Variants in CYSLTR2 observed in about 807,000 individuals in gnomAD.
CYSLTR2 encodes cysteinyl leukotriene receptor 2, also known as G-protein coupled receptor GPCR21.
For missense variants in CYSLTR2, 398 were observed against 411.9 expected, an observed-to-expected ratio of 0.97 and a Z score of 0.29; for synonymous variants, 179 against 160.8, an observed-to-expected ratio of 1.11 and a Z score of -0.86.
rs145414362 is a variant in CYSLTR2, at chr13:48,696,974, C to T, written c.-2+348C>T. On this transcript the variant is annotated intron_variant, in intron 4 of 4. Coordinates refer to ENST00000682523, the MANE Select transcript of CYSLTR2 (RefSeq NM_001308476.3). Reference sequence around the variant, plus strand: ...GCCAGGCTTGGGGAGGGGCATCCACCATTGCTGAGGCTTGAGTAGGTAAAC... The same window carrying T: ...GCCAGGCTTGGGGAGGGGCATCCACTATTGCTGAGGCTTGAGTAGGTAAAC... Among the ~76,000 whole-genome samples the T allele has an allele frequency of 2.3e-3, 352 of 152,278 alleles. 2 individuals carry two copies. The highest frequency in any genetic ancestry group is 7.3e-3 in the African/African-American group (303 of 41,548).
chr13:48,669,251 C>T (rs1466777217), intron 1 of CYSLTR2, among the ~76,000 whole-genome samples: 1 of 151,968 alleles, frequency 6.6e-6, no homozygotes, highest in African/African-American at 2.4e-5. Context: ...TCCTATTTCT[C>T]CACATCCTCT....
intron 2 of CYSLTR2, among the ~76,000 whole-genome samples, chr13:48,692,191 A>T (rs1954056600): frequency 6.6e-6 from 1 of 152,050 alleles, no homozygotes; most frequent in Non-Finnish European, 1.5e-5. Context: ...ATTGTAAAAA[A>T]ATTGCTATGT....
intron 4 of CYSLTR2, among the ~76,000 whole-genome samples, chr13:48,697,736 T>C (rs942602304): frequency 1.3e-5 from 2 of 152,198 alleles, no homozygotes; most frequent in Non-Finnish European, 2.9e-5. Flanking sequence ...AAGGAGGATG[T>C]TCTAACCCAT....
chr13:48,669,003 C>T (rs1219646629), intron 1 of CYSLTR2, among the ~76,000 whole-genome samples: 1 of 152,122 alleles, frequency 6.6e-6, no homozygotes, highest in African/African-American at 2.4e-5. Flanking sequence ...TTTATCCAGT[C>T]TATCATTGAT....
At chr13:48,669,035 G>T (rs187682022) in intron 1 of CYSLTR2, among the ~76,000 whole-genome samples, 1 of 152,242 alleles carries the variant, frequency 6.6e-6, no homozygotes, top group African/African-American at 2.4e-5. Context: ...TTTGTTCCAA[G>T]TCTTTCCTAT....
At position 48,706,834 on chromosome 13, in the gene CYSLTR2, T is replaced by C. The variant is rs1954501632; in HGVS notation, c.17T>C (p.Met6Thr). The C allele has an allele frequency of 6.2e-7, 1 of 1,609,492 alleles. No homozygotes were observed. Among genetic ancestry groups the C allele is most frequent in the Non-Finnish European group, 8.5e-7 (1 of 1,177,252 alleles). MERKFMSLQPSISVSE... is the reference protein window; with the variant it reads MERKFTSLQPSISVSE... Reference sequence around the variant, plus strand: ...TAACCCAGCATGGAGAGAAAATTTATGTCCTTGCAACCATCCATCTCCGTA... The same window carrying C: ...TAACCCAGCATGGAGAGAAAATTTACGTCCTTGCAACCATCCATCTCCGTA... The change falls in exon 5 of 5, where the codon ATG (methionine) becomes ACG (threonine). Residue 6 changes from methionine (M) to threonine (T), a missense_variant. Met to Thr is a moderately conservative substitution (Grantham distance 81). Coordinates refer to ENST00000682523, the MANE Select transcript of CYSLTR2 (RefSeq NM_001308476.3).
At chr13:48,682,007 T>C (rs888700021) in intron 1 of CYSLTR2, among the ~76,000 whole-genome samples, 1 of 152,184 alleles carries the variant, frequency 6.6e-6, no homozygotes, top group Non-Finnish European at 1.5e-5. Context: ...GGCAAGACTG[T>C]CCTTTTCAAT....
At chr13:48,699,203 A>G (rs1954276348) in intron 4 of CYSLTR2, among the ~76,000 whole-genome samples, 1 of 152,220 alleles carries the variant, frequency 6.6e-6, no homozygotes, top group African/African-American at 2.4e-5. Flanking sequence ...CTCCACCCCA[A>G]GTCAACAGAA....
In CYSLTR2 at chr13:48,711,214, T is replaced by C. The variant is rs528362837; in HGVS notation, c.*3356T>C. Reference sequence around the variant, plus strand: ...AATAAAAATTAAGTTAAAATTAAATTTTAAAATTCAAACTAATTCTGAGTT... The same window carrying C: ...AATAAAAATTAAGTTAAAATTAAATCTTAAAATTCAAACTAATTCTGAGTT... On this transcript the variant is annotated 3_prime_UTR_variant, in exon 5 of 5. Coordinates refer to ENST00000682523, the MANE Select transcript of CYSLTR2 (RefSeq NM_001308476.3). The C allele has an allele frequency of 1.3e-5, 2 of 152,150 alleles. No individual in the cohort carries two copies. Among genetic ancestry groups the C allele is most frequent in the South Asian group, 4.1e-4 (2 of 4,830 alleles). 9.4% of individuals were successfully genotyped at this position (152,150 alleles called of 1,614,324 possible).
At chr13:48,701,970 A>G (rs898504522) in intron 4 of CYSLTR2, among the ~76,000 whole-genome samples, 4 of 152,168 alleles carry the variant, frequency 2.6e-5, no homozygotes, top group East Asian at 1.9e-4. Context: ...ACGTATGTTT[A>G]TTGTGGCACT....
chr13:48,675,181 C>T (rs1953559768), intron 1 of CYSLTR2, among the ~76,000 whole-genome samples: 1 of 152,204 alleles, frequency 6.6e-6, no homozygotes, highest in African/African-American at 2.4e-5. Flanking sequence ...GCTGAAAGAT[C>T]CGCTGCTCTC....
intron 1 of CYSLTR2, among the ~76,000 whole-genome samples, chr13:48,672,389 C>T (rs189849051): frequency 6.6e-6 from 1 of 152,100 alleles, no homozygotes; most frequent in Non-Finnish European, 1.5e-5. Flanking sequence ...TATATTAGAC[C>T]TGTCCTGCTT....
At chr13:48,673,992 C>A (rs1047419119) in intron 1 of CYSLTR2, among the ~76,000 whole-genome samples, 3 of 152,200 alleles carry the variant, frequency 2.0e-5, no homozygotes, top group Non-Finnish European at 4.4e-5. Context: ...GAGAGATCTG[C>A]GGTTAGTCTG....
intron 1 of CYSLTR2, among the ~76,000 whole-genome samples, chr13:48,676,465 G>A (rs1953599251): frequency 6.6e-6 from 1 of 152,140 alleles, no homozygotes; most frequent in Non-Finnish European, 1.5e-5. Context: ...ATGGTTTCTA[G>A]GCATCAGCTA....
intron 1 of CYSLTR2, among the ~76,000 whole-genome samples, chr13:48,683,631 A>G (rs1196418483): frequency 2.0e-5 from 3 of 152,060 alleles, no homozygotes; most frequent in Non-Finnish European, 2.9e-5. Flanking sequence ...GCTGGATATT[A>G]GACCTTTGTC....
At position 48,706,893 on chromosome 13, in the gene CYSLTR2, A is replaced by AATT; in HGVS notation, c.77_78insTTA (p.Asn26_Asn27insTyr). 1 of 1,614,218 alleles carries AATT rather than the reference A, an allele frequency of 6.2e-7. No individual in the cohort carries two copies. Among genetic ancestry groups the AATT allele is most frequent in the Non-Finnish European group, 8.5e-7 (1 of 1,180,024 alleles). ...GGAACCAAATGGCACCTTCAGCAAT[A>AATT]ACAACAGCAGGAACTGCACAATTGA... On this transcript the variant is annotated inframe_insertion, in exon 5 of 5. Coordinates refer to ENST00000682523, the MANE Select transcript of CYSLTR2 (RefSeq NM_001308476.3).
chr13:48,700,941 A>G (rs534562220), intron 4 of CYSLTR2, among the ~76,000 whole-genome samples: 186 of 152,288 alleles, frequency 1.2e-3, no homozygotes, highest in Non-Finnish European at 2.1e-3. Context: ...TAGGAATCCA[A>G]CTTACAAGGG....
At position 48,707,038 on chromosome 13, in the gene CYSLTR2, A is replaced by G. The variant is rs765186935; in HGVS notation, c.221A>G (p.Asn74Ser). 1 of 1,614,148 alleles carries G rather than the reference A, an allele frequency of 6.2e-7. No individual in the cohort carries two copies. The highest frequency in any genetic ancestry group is 2.2e-5 in the East Asian group (1 of 44,888). ...CCTTATAAGAAGTCCACATCTGTGA[A>G]CGTTTTCATGCTAAATCTGGCCATT... is the stretch of plus-strand genomic sequence containing the variant. ...LQPYKKSTSVNVFMLNLAISD... is the reference protein window; with the variant it reads ...LQPYKKSTSVSVFMLNLAISD... The change falls in exon 5 of 5, where the codon AAC becomes AGC. Residue 74 changes from asparagine to serine, a missense_variant. Asn to Ser is a conservative substitution (Grantham distance 46, BLOSUM62 1). Transcript: ENST00000682523.
At chr13:48,667,382 G>C (rs1402863335) in intron 1 of CYSLTR2, among the ~76,000 whole-genome samples, 4 of 152,186 alleles carry the variant, frequency 2.6e-5, no homozygotes, top group African/African-American at 9.7e-5. Context: ...AGTCAGCCTG[G>C]GGGGTGGAGG....
Sources: gnomAD v4.1 joint callset for allele counts (sites outside exome capture counted in the v4.1 genomes callset) on GRCh38, gnomAD v4.1.1 for gene constraint, MANE v1.5 for transcripts, NCBI Gene and HGNC (gene_info 2026-07-23, HGNC 2026-07-21) for gene names.